Variants in GRM7 observed in about 807,000 individuals in gnomAD.
GRM7 encodes metabotropic glutamate receptor 7.
In GRM7, 35 loss-of-function variants were observed where a neutral mutation model predicts 84.5. The ratio of observed to expected loss-of-function variants is 0.41; its 90% CI spans 0.32 to 0.55. GRM7 has a LOEUF of 0.55. Among genes scored for constraint, GRM7 ranks in the 20% least tolerant of loss-of-function variants. GRM7 has a pLI of 0.19. For missense variants in GRM7, 1,003 were observed against 1,194.6 expected (o/e 0.84, Z 2.36); for synonymous variants, 487 against 455.1 (o/e 1.07, Z -0.89).
At chr3:6,907,580 C>G (rs1048750538) in intron 1 of GRM7, among the ~76,000 whole-genome samples, 5 of 152,104 alleles carry the variant, frequency 3.3e-5, no homozygotes, top group East Asian at 1.9e-4. Flanking sequence ...ATGAAGTGAT[C>G]TCTACTTATT....
chr3:6,887,261 G>T (rs1280048825), intron 1 of GRM7, among the ~76,000 whole-genome samples: 2 of 151,410 alleles, frequency 1.3e-5, no homozygotes, highest in African/African-American at 4.9e-5. Flanking sequence ...TTAAGTTTTA[G>T]GGTACATGTG....
intron 7 of GRM7, among the ~76,000 whole-genome samples, chr3:7,471,225 G>A (rs752756210): frequency 2.5e-4 from 38 of 150,860 alleles, no homozygotes; most frequent in Admixed American, 9.9e-4. Context: ...AAAAATTACC[G>A]CTAATTTAGT....
At chr3:7,245,629 A>G (rs2124929017) in intron 2 of GRM7, among the ~76,000 whole-genome samples, 1 of 152,204 alleles carries the variant, frequency 6.6e-6, no homozygotes, top group South Asian at 2.1e-4. Context: ...GTCAAATATG[A>G]AAGTTGGAAG....
chr3:6,920,052 T>A (rs1020193015), intron 1 of GRM7, among the ~76,000 whole-genome samples: 1 of 152,230 alleles, frequency 6.6e-6, no homozygotes, highest in Non-Finnish European at 1.5e-5. Flanking sequence ...TATCTTGTAT[T>A]CTTTTGCTCT....
intron 7 of GRM7, among the ~76,000 whole-genome samples, chr3:7,531,727 T>C (rs901851107): frequency 6.6e-6 from 1 of 152,202 alleles, no homozygotes; most frequent in Non-Finnish European, 1.5e-5. Context: ...GTTTTCTAAA[T>C]AGACAATCAT....
At chr3:7,009,987 T>A (rs1419405055) in intron 1 of GRM7, among the ~76,000 whole-genome samples, 2 of 152,202 alleles carry the variant, frequency 1.3e-5, no homozygotes, top group African/African-American at 2.4e-5. Context: ...TCCCTAAACT[T>A]GGCATTAATA....
At chr3:7,687,508 G>A (rs1306255827) in intron 9 of GRM7, among the ~76,000 whole-genome samples, 2 of 152,184 alleles carry the variant, frequency 1.3e-5, no homozygotes, top group Admixed American at 1.3e-4. Context: ...TTAAAGTCAT[G>A]TGGTGGCTTT....
intron 1 of GRM7, among the ~76,000 whole-genome samples, chr3:7,026,498 T>A (rs1282271869): frequency 6.6e-6 from 1 of 152,296 alleles, no homozygotes; most frequent in South Asian, 2.1e-4. Context: ...CCCCGGGAAT[T>A]TTCTCTGCTG....
At chr3:7,277,980 A>G (rs950396818) in intron 2 of GRM7, among the ~76,000 whole-genome samples, 1 of 152,126 alleles carries the variant, frequency 6.6e-6, no homozygotes, top group African/African-American at 2.4e-5. Context: ...ATTATTGCTG[A>G]GAACAAATAC....
At chr3:7,492,271 C>T (rs1363115999) in intron 7 of GRM7, among the ~76,000 whole-genome samples, 1 of 152,056 alleles carries the variant, frequency 6.6e-6, no homozygotes, top group Non-Finnish European at 1.5e-5. Context: ...CTAAAACAGG[C>T]AAAATTGGTA....
chr3:7,534,315 A>C (rs934495673), intron 7 of GRM7, among the ~76,000 whole-genome samples: 1 of 152,166 alleles, frequency 6.6e-6, no homozygotes, highest in African/African-American at 2.4e-5. Flanking sequence ...CGCCCAGCTG[A>C]AAGTGCTGAA....
At chr3:7,330,402 C>G (rs1400379751) in intron 4 of GRM7, among the ~76,000 whole-genome samples, 3 of 152,168 alleles carry the variant, frequency 2.0e-5, no homozygotes, top group African/African-American at 7.2e-5. Flanking sequence ...CCTCTTCTCT[C>G]TGTCCCCCTT....
At chr3:7,450,140 G>A (rs548599348) in intron 5 of GRM7, among the ~76,000 whole-genome samples, 33 of 151,974 alleles carry the variant, frequency 2.2e-4, no homozygotes, top group African/African-American at 7.7e-4. Context: ...TTTATGAACA[G>A]TTTACAAAAA....
At chr3:7,057,218 G>A (rs1312909509) in intron 1 of GRM7, among the ~76,000 whole-genome samples, 2 of 151,798 alleles carry the variant, frequency 1.3e-5, no homozygotes, top group Admixed American at 1.3e-4. Context: ...TGCAAATAAA[G>A]GTTTTCAGAG....
Position 7,151,156 on chromosome 3 carries a change from AT to A in GRM7, c.736+4495del, listed in dbSNP as rs34832148. ...TTAATACTTTATCATAGCCTAGCAT[AT>A]TTTTTTCCTAAAATACTTAGAGGAA... On this transcript the variant is annotated intron_variant, in intron 2 of 9. Coordinates refer to ENST00000357716, the MANE Select transcript of GRM7 (RefSeq NM_000844.4). The surrounding 1 kb of genome is among the most constrained non-coding windows in gnomAD (Gnocchi z 4.5). Among the ~76,000 whole-genome samples, 88,401 of 151,916 alleles carry A rather than the reference AT, an allele frequency of 0.58. 27,280 individuals are homozygous for A. Among genetic ancestry groups the A allele is most frequent in the African/African-American group, 0.79 (32,839 of 41,456 alleles).
At chr3:7,410,857 A>G (rs1172814143) in intron 4 of GRM7, among the ~76,000 whole-genome samples, 1 of 152,164 alleles carries the variant, frequency 6.6e-6, no homozygotes, top group Admixed American at 6.6e-5. Flanking sequence ...TCCTAAGGAT[A>G]ACATAAAAAA....
intron 1 of GRM7, among the ~76,000 whole-genome samples, chr3:6,867,783 G>A (rs1694986070): frequency 6.6e-6 from 1 of 152,112 alleles, no homozygotes; most frequent in South Asian, 2.1e-4. Context: ...CAATATATAT[G>A]TTTTCTGCAC....
At chr3:7,448,182 C>T (rs1486352314) in intron 5 of GRM7, among the ~76,000 whole-genome samples, 1 of 151,176 alleles carries the variant, frequency 6.6e-6, no homozygotes, top group African/African-American at 2.4e-5. Flanking sequence ...CAAGTCATTG[C>T]TATTGTGAAT....
chr3:7,686,413 C>G, intron 9 of GRM7: 1 of 1,551,414 alleles, frequency 6.4e-7, no homozygotes, highest in Non-Finnish European at 8.9e-7. Flanking sequence ...GTACACTATC[C>G]CACCAACAGT....
Sources: allele counts gnomAD v4.1 joint callset (sites outside exome capture counted in the v4.1 genomes callset), GRCh38; gene constraint gnomAD v4.1.1; non-coding constraint Gnocchi (gnomAD v3.1); transcripts MANE v1.5; gene names NCBI Gene and HGNC (gene_info 2026-07-23, HGNC 2026-07-21).